TSPAN5: variants seen among roughly 807,000 people sequenced by gnomAD.
TSPAN5 encodes tetraspanin-5.
A neutral mutation model predicts 37.1 loss-of-function variants in TSPAN5; 10 were observed. That is an observed-to-expected ratio of 0.27 (90% CI 0.17 to 0.46). The LOEUF (loss-of-function observed/expected upper bound fraction) is 0.46. TSPAN5 is among the 20% of genes least tolerant of loss of function. The probability of loss-of-function intolerance (pLI) is 1.00; values close to 1 mark genes in which losing one functional copy is unlikely to be tolerated. For missense variants in TSPAN5, 195 were observed against 326.6 expected, an observed-to-expected ratio of 0.60 and a Z score of 3.11; for synonymous variants, 110 against 118.9, an observed-to-expected ratio of 0.93 and a Z score of 0.48.
At chr4:98,658,037 G>T in intron 1 of TSPAN5, 109 bp downstream of exon 1, 1 of 977,996 alleles carries the variant, frequency 1.0e-6, no homozygotes, top group South Asian at 1.3e-5. Context: ...ATGCTGCTCC[G>T]GCAAGCGCCT....
intron 1 of TSPAN5, among the ~76,000 whole-genome samples, chr4:98,606,509 G>A (rs927561221): frequency 3.3e-5 from 5 of 152,166 alleles, no homozygotes; most frequent in African/African-American, 7.2e-5. Context: ...AACTATGTAA[G>A]TGTCTAAATA....
At chr4:98,608,316 A>G (rs1181581407) in intron 1 of TSPAN5, among the ~76,000 whole-genome samples, 2 of 152,134 alleles carry the variant, frequency 1.3e-5, no homozygotes, top group African/African-American at 4.8e-5. Context: ...TCCCCAGAAA[A>G]GGATGTGTAC....
intron 1 of TSPAN5, among the ~76,000 whole-genome samples, chr4:98,650,624 T>C (rs1579056213): frequency 6.6e-6 from 1 of 152,194 alleles, no homozygotes; most frequent in Non-Finnish European, 1.5e-5. Context: ...AGTACATAGA[T>C]ACAGAATTAC....
chr4:98,656,049 G>C (rs1344595271), intron 1 of TSPAN5, among the ~76,000 whole-genome samples: 1 of 152,064 alleles, frequency 6.6e-6, no homozygotes, highest in Non-Finnish European at 1.5e-5. Flanking sequence ...CCATAGCCTA[G>C]GTCTCCTTTC....
Position 98,594,576 on chromosome 4 carries a change from T to G in TSPAN5, c.81+63570A>C, listed in dbSNP as rs1263250475. 3.1e-5 allele frequency among the ~76,000 whole-genome samples: 2 copies of G among 65,264 alleles called. 1 individual carries two copies. Among genetic ancestry groups the G allele is most frequent in the African/African-American group, 2.4e-4 (2 of 8,426 alleles). The allele number at this position is 65,264 out of a possible 152,430, so 42.8% of individuals were successfully genotyped here. On this transcript the variant is annotated intron_variant, in intron 1 of 7. Coordinates refer to ENST00000305798, the MANE Select transcript of TSPAN5 (RefSeq NM_005723.4). Reference sequence around the variant, plus strand: ...ATTCAGTATGATATTGGCTGTGGGTTTGTCATAGATAGCTCTTATATTTTG... The same window carrying G: ...ATTCAGTATGATATTGGCTGTGGGTGTGTCATAGATAGCTCTTATATTTTG...
intron 1 of TSPAN5, among the ~76,000 whole-genome samples, chr4:98,637,853 T>G (rs1183396345): frequency 6.6e-6 from 1 of 152,228 alleles, no homozygotes; most frequent in East Asian, 1.9e-4. Context: ...CTTGAAAGCA[T>G]TTTATCTATA....
chr4:98,641,854 C>T (rs1438512927), intron 1 of TSPAN5, among the ~76,000 whole-genome samples: 4 of 152,156 alleles, frequency 2.6e-5, no homozygotes, highest in Non-Finnish European at 5.9e-5. Context: ...GCTGGGCTCC[C>T]AGAAGAGAAG....
At chr4:98,621,460 C>T (rs1045547258) in intron 1 of TSPAN5, among the ~76,000 whole-genome samples, 7 of 151,194 alleles carry the variant, frequency 4.6e-5, no homozygotes, top group African/African-American at 1.7e-4. Flanking sequence ...CTCTGCCCCC[C>T]AGGTTCATAC....
chr4:98,485,211 C>T (rs1752934458), intron 3 of TSPAN5: 1 of 152,386 alleles, frequency 6.6e-6, no homozygotes, highest in Non-Finnish European at 1.5e-5. Context: ...AATCAGGCTA[C>T]AGGAAAGCTG....
At position 98,623,135 on chromosome 4, in the gene TSPAN5, T is replaced by C. The variant is rs142712928; in HGVS notation, c.81+35011A>G. 8.2e-4 allele frequency among the ~76,000 whole-genome samples: 124 copies of C among 151,812 alleles called. 1 individual carries two copies. The highest frequency in any genetic ancestry group is 3.0e-3 in the African/African-American group (123 of 41,546). ...GGAAAGGTTTTAATTCCCTTAGTCTTATGTGTAAGAGGTTAAACTACTTGA... is the reference window on the plus strand; with the variant it reads ...GGAAAGGTTTTAATTCCCTTAGTCTCATGTGTAAGAGGTTAAACTACTTGA... On this transcript the variant is annotated intron_variant, in intron 1 of 7. Transcript: ENST00000305798.
intron 1 of TSPAN5, among the ~76,000 whole-genome samples, chr4:98,612,306 T>C (rs571241781): frequency 6.6e-6 from 1 of 152,112 alleles, no homozygotes; most frequent in Non-Finnish European, 1.5e-5. Context: ...AAAAGGGTTG[T>C]AGGTGAATGA....
chr4:98,520,220 A>G (rs1170982739), intron 1 of TSPAN5, among the ~76,000 whole-genome samples: 1 of 152,200 alleles, frequency 6.6e-6, no homozygotes, highest in African/African-American at 2.4e-5. Context: ...CCATAGAGCA[A>G]TTACACATTA....
At chr4:98,637,557 G>C (rs1012816841) in intron 1 of TSPAN5, among the ~76,000 whole-genome samples, 16 of 152,072 alleles carry the variant, frequency 1.1e-4, no homozygotes, top group Non-Finnish European at 2.2e-4. Context: ...TCCTATATTT[G>C]AGCCCTGGGA....
intron 1 of TSPAN5, among the ~76,000 whole-genome samples, chr4:98,646,902 C>A (rs1427915123): frequency 6.6e-6 from 1 of 152,134 alleles, no homozygotes; most frequent in Non-Finnish European, 1.5e-5. Context: ...CTCCTCAAAT[C>A]CTCAGGATTC....
intron 1 of TSPAN5, among the ~76,000 whole-genome samples, chr4:98,543,003 T>C (rs987848754): frequency 2.6e-5 from 4 of 152,140 alleles, no homozygotes; most frequent in African/African-American, 9.7e-5. Context: ...AAAACATTCC[T>C]AGTACTCAAA....
chr4:98,584,428 T>C (rs17027799), intron 1 of TSPAN5, among the ~76,000 whole-genome samples: 14,498 of 152,300 alleles, frequency 0.095, 809 homozygotes, highest in South Asian at 0.22. Flanking sequence ...TACTCAACTC[T>C]GTTTCCCAAG....
In TSPAN5 at chr4:98,658,558, C is replaced by G; in HGVS notation, c.-332G>C. ...GGCGGTCGGTCCGTCGGTTCGTCCC[C>G]GGGCTTCGGGCAAAGGCGGCCGCGG... On this transcript the variant is annotated 5_prime_UTR_variant, in exon 1 of 8. Coordinates refer to ENST00000305798, the MANE Select transcript of TSPAN5 (RefSeq NM_005723.4). The G allele has an allele frequency of 5.9e-6, 1 of 169,066 alleles. No individual in the cohort carries two copies. 10.5% of individuals were successfully genotyped at this position (169,066 alleles called of 1,614,324 possible).
At chr4:98,583,275 C>T (rs1458041282) in intron 1 of TSPAN5, among the ~76,000 whole-genome samples, 7 of 152,134 alleles carry the variant, frequency 4.6e-5, no homozygotes, top group Non-Finnish European at 8.8e-5. Context: ...TAAAGCCTTT[C>T]ATTTTTTTAA....
intron 1 of TSPAN5, among the ~76,000 whole-genome samples, chr4:98,583,046 T>A (rs1220435010): frequency 6.6e-6 from 1 of 152,194 alleles, no homozygotes; most frequent in Non-Finnish European, 1.5e-5. Flanking sequence ...TATCCATACA[T>A]CACTCACCTC....
Sources: gnomAD v4.1 joint callset for allele counts (sites outside exome capture counted in the v4.1 genomes callset) on GRCh38, gnomAD v4.1.1 for gene constraint, MANE v1.5 for transcripts, NCBI Gene and HGNC (gene_info 2026-07-23, HGNC 2026-07-21) for gene names.